Variants in TEX10 observed in about 807,000 individuals in gnomAD.
TEX10 encodes testis-expressed protein 10.
A neutral mutation model predicts 104.4 loss-of-function variants in TEX10; 24 were observed. The observed-to-expected ratio is 0.23, with a 90% CI of 0.17 to 0.32. The LOEUF is 0.32. TEX10 is among the 10% of genes least tolerant of loss of function. TEX10 has a pLI of 1.00. For synonymous variants in TEX10, 396 were observed against 393.4 expected, an observed-to-expected ratio of 1.01 and a Z score of -0.08; for missense variants, 921 against 1,083.9, an observed-to-expected ratio of 0.85 and a Z score of 2.11.
At chr9:100,303,894 G>T in intron 13 of TEX10, 52 bp from the exon 14 acceptor site, 2 of 1,565,456 alleles carry the variant, frequency 1.3e-6, no homozygotes, top group Non-Finnish European at 8.8e-7. Context: ...CACAGGAAAA[G>T]CCCCCCTTCT....
At chr9:100,340,979 T>G (rs1835156994) in intron 4 of TEX10, among the ~76,000 whole-genome samples, 1 of 152,182 alleles carries the variant, frequency 6.6e-6, no homozygotes, top group Non-Finnish European at 1.5e-5. Context: ...TTTGGTTTTT[T>G]TTTTTGAGAT....
chr9:100,339,245 CAAAAAAAAAAA>C (rs1182764934), intron 5 of TEX10, among the ~76,000 whole-genome samples: 3 of 29,398 alleles, frequency 1.0e-4, no homozygotes, highest in Admixed American at 7.4e-4. Context: ...GACTCCATCT[CAAAAAAAAAAA>C]AAAAAAAAAA....
At chr9:100,346,479 CAA>C (rs1383693518) in intron 3 of TEX10, among the ~76,000 whole-genome samples, 164 bp from the exon 4 acceptor site, 4 of 151,956 alleles carry the variant, frequency 2.6e-5, no homozygotes, top group African/African-American at 9.7e-5. Context: ...ATGACAAAGC[CAA>C]AAGATATTAT....
intron 1 of TEX10, among the ~76,000 whole-genome samples, chr9:100,349,811 T>C (rs1835399142): frequency 6.6e-6 from 1 of 152,220 alleles, no homozygotes; most frequent in Non-Finnish European, 1.5e-5. Context: ...ACCAATGTTA[T>C]TCTTTAATGC....
chr9:100,345,614 T>C (rs1303543066), intron 4 of TEX10, among the ~76,000 whole-genome samples: 4 of 152,208 alleles, frequency 2.6e-5, no homozygotes, highest in African/African-American at 9.6e-5. Flanking sequence ...ACATTCACTA[T>C]AGCACAACAC....
chr9:100,347,338 G>C lies in TEX10; in HGVS notation c.249C>G (p.Asp83Glu). ...VKQSALLGLK[D>E]LLSQYPFIID... Reference sequence around the variant, plus strand: ...TTATAAATGGGTATTGAGACAAAAGGTCTTTAAGTCCAAGAAGAGCACTTT... The same window carrying C: ...TTATAAATGGGTATTGAGACAAAAGCTCTTTAAGTCCAAGAAGAGCACTTT... Residue 83 changes from aspartate (D) to glutamate (E), a missense_variant, in exon 3 of 15, where the codon GAC (aspartate) becomes GAG (glutamate). Transcript: ENST00000374902. 6.2e-7 allele frequency: 1 copy of C among 1,613,554 alleles called. No homozygotes were observed. Among genetic ancestry groups the C allele is most frequent in the Non-Finnish European group, 8.5e-7 (1 of 1,179,748 alleles).
In TEX10 at chr9:100,319,584, C is replaced by T. The variant is rs113430405; in HGVS notation, c.2202+681G>A. Among the ~76,000 whole-genome samples the T allele has an allele frequency of 5.7e-3, 865 of 152,148 alleles. 12 individuals carry two copies. Among genetic ancestry groups the T allele is most frequent in the African/African-American group, 0.019 (798 of 41,526 alleles). On this transcript the variant is annotated intron_variant, in intron 11 of 14. Coordinates refer to ENST00000374902, the MANE Select transcript of TEX10 (RefSeq NM_017746.4). ...CTTTGGGAGGCTGAGGCTGGTGGAT[C>T]ACCTAAGGTCAGGAGTTCGAGACCA... is the stretch of plus-strand genomic sequence containing the variant.
intron 4 of TEX10, among the ~76,000 whole-genome samples, chr9:100,341,938 T>C (rs917718094): frequency 6.6e-6 from 1 of 152,152 alleles, no homozygotes; most frequent in African/African-American, 2.4e-5. Flanking sequence ...CTCAAAACCC[T>C]CCAGTGGTCT....
intron 11 of TEX10, among the ~76,000 whole-genome samples, chr9:100,318,361 A>G (rs557382969): frequency 6.6e-6 from 1 of 152,348 alleles, no homozygotes; most frequent in East Asian, 1.9e-4. Context: ...AACAAGTCAG[A>G]CACAGACAAA....
rs140229673 is a variant in TEX10 at position 100,342,593 on chromosome 9, G to A, written c.1138-2224C>T. 3.6e-3 allele frequency among the ~76,000 whole-genome samples: 546 copies of A among 152,226 alleles called. 3 individuals carry two copies. Among genetic ancestry groups the A allele is most frequent in the African/African-American group, 0.012 (514 of 41,528 alleles). On this transcript the variant is annotated intron_variant, in intron 4 of 14. Coordinates refer to ENST00000374902, the MANE Select transcript of TEX10 (RefSeq NM_017746.4). ...TTAATTTAAGTAGCCATTATTTATT[G>A]ATGCCCAATAAAGCTTTGAATAAAT...
At chr9:100,322,731 T>G (rs1010113822) in intron 9 of TEX10, among the ~76,000 whole-genome samples, 12 of 152,170 alleles carry the variant, frequency 7.9e-5, no homozygotes, top group African/African-American at 2.9e-4. Flanking sequence ...CTCTCCTGCT[T>G]CAGCCTCCTG....
At chr9:100,336,897 G>T (rs528850288) in intron 5 of TEX10, among the ~76,000 whole-genome samples, 134 of 152,242 alleles carry the variant, frequency 8.8e-4, no homozygotes, top group Non-Finnish European at 1.6e-3. Context: ...TCATGAGGGG[G>T]GAATCTTTTG....
chr9:100,329,426 A>C, intron 6 of TEX10, 151 bp from the exon 7 acceptor site: 1 of 776,580 alleles, frequency 1.3e-6, no homozygotes, highest in East Asian at 2.9e-5. Flanking sequence ...GTCCTATAGC[A>C]ATAGCCTAAT....
intron 11 of TEX10, among the ~76,000 whole-genome samples, chr9:100,319,140 C>T (rs373429492): frequency 2.6e-5 from 4 of 151,744 alleles, no homozygotes; most frequent in South Asian, 2.1e-4. Flanking sequence ...TGCAGTGAGC[C>T]GAGACAGCAC....
intron 11 of TEX10, among the ~76,000 whole-genome samples, chr9:100,314,496 C>T (rs1173996720): frequency 6.6e-6 from 1 of 152,128 alleles, no homozygotes; most frequent in African/African-American, 2.4e-5. Flanking sequence ...AGGAATTTAT[C>T]CATTTTCCCT....
At chr9:100,333,762 T>A (rs187939322) in intron 5 of TEX10, among the ~76,000 whole-genome samples, 116 of 151,746 alleles carry the variant, frequency 7.6e-4, no homozygotes, top group African/African-American at 2.6e-3. Flanking sequence ...ATGGTATTGG[T>A]GAAACAATAA....
At chr9:100,319,035 C>CA (rs1834496960) in intron 11 of TEX10, among the ~76,000 whole-genome samples, 2 of 151,850 alleles carry the variant, frequency 1.3e-5, no homozygotes, top group Non-Finnish European at 2.9e-5. Flanking sequence ...ACTAAAAATA[C>CA]AAAAAAATTA....
intron 5 of TEX10, among the ~76,000 whole-genome samples, chr9:100,338,413 C>A (rs1031209559): frequency 6.6e-6 from 1 of 152,178 alleles, no homozygotes. Flanking sequence ...GATATCAGTA[C>A]CTGCCTGAGG....
At chr9:100,327,709 G>A (rs1256033867) in intron 8 of TEX10, 78 bp downstream of exon 8, 2 of 1,235,012 alleles carry the variant, frequency 1.6e-6, no homozygotes, top group Admixed American at 2.6e-5. Context: ...CAAAATTACA[G>A]AGCTCCCCTT....
Sources: allele counts gnomAD v4.1 joint callset (sites outside exome capture counted in the v4.1 genomes callset), GRCh38; gene constraint gnomAD v4.1.1; transcripts MANE v1.5; gene names NCBI Gene and HGNC (gene_info 2026-07-23, HGNC 2026-07-21).